The following MGMT variants were observed in gnomAD, a reference collection of about 807,000 sequenced individuals.
MGMT encodes the protein O-6-methylguanine-DNA methyltransferase.
A neutral mutation model predicts 15.9 loss-of-function variants in MGMT; 14 were observed. That is an observed-to-expected ratio of 0.88 (90% CI 0.58 to 1.37). MGMT has a LOEUF of 1.37. Ranked by LOEUF, MGMT falls within the 40% of genes most tolerant of loss-of-function variation. The pLI is 0.00. For missense variants in MGMT, 282 were observed against 268.1 expected (o/e 1.05, Z -0.36); for synonymous variants, 130 against 118.2 (o/e 1.10, Z -0.65).
chr10:129,656,253 G>A (rs1401709138), intron 2 of MGMT, among the ~76,000 whole-genome samples: 1 of 152,216 alleles, frequency 6.6e-6, no homozygotes, highest in East Asian at 1.9e-4. Context: ...AACATCCATG[G>A]CATGAGGGCA....
chr10:129,668,789 G>T (rs145323412), intron 2 of MGMT, among the ~76,000 whole-genome samples: 6 of 152,170 alleles, frequency 3.9e-5, no homozygotes, highest in South Asian at 4.1e-4. Flanking sequence ...ATTTTTAAAA[G>T]AACTTTTTCT....
chr10:129,619,214 A>T (rs981188628), intron 2 of MGMT, among the ~76,000 whole-genome samples: 1 of 152,048 alleles, frequency 6.6e-6, no homozygotes, highest in Admixed American at 6.6e-5. Flanking sequence ...TGTAATGTTT[A>T]TGTGGTTTCT....
At chr10:129,724,094 T>C (rs1357154540) in intron 3 of MGMT, among the ~76,000 whole-genome samples, 2 of 152,252 alleles carry the variant, frequency 1.3e-5, no homozygotes, top group Non-Finnish European at 2.9e-5. Context: ...CTTTGCTTGC[T>C]TTATTTATAA....
chr10:129,689,612 C>G (rs1282536994), intron 2 of MGMT, among the ~76,000 whole-genome samples: 1 of 152,234 alleles, frequency 6.6e-6, no homozygotes, highest in Non-Finnish European at 1.5e-5. Flanking sequence ...CACCCTTTCT[C>G]TGTAGTCTTA....
intron 2 of MGMT, among the ~76,000 whole-genome samples, chr10:129,650,569 G>A (rs1302757452): frequency 3.3e-5 from 5 of 152,182 alleles, no homozygotes; most frequent in African/African-American, 9.7e-5. Context: ...CTTTTTGCGA[G>A]GAAGAGATCC....
chr10:129,584,796 A>C (rs1846600036), intron 2 of MGMT, among the ~76,000 whole-genome samples: 1 of 152,110 alleles, frequency 6.6e-6, no homozygotes, highest in Non-Finnish European at 1.5e-5. Context: ...AGGTTGCTCC[A>C]CGCTCCAGCA....
intron 1 of MGMT, among the ~76,000 whole-genome samples, chr10:129,517,230 C>G (rs2119712480): frequency 6.6e-6 from 1 of 152,348 alleles, no homozygotes; most frequent in Non-Finnish European, 1.5e-5. Flanking sequence ...CTGAATGGAC[C>G]TCAGAGGTCC....
At chr10:129,497,014 G>T (rs1296796358) in intron 1 of MGMT, among the ~76,000 whole-genome samples, 2 of 151,922 alleles carry the variant, frequency 1.3e-5, no homozygotes, top group African/African-American at 4.8e-5. Context: ...CCCCTTTTTG[G>T]CAAGGGAAGG....
At chr10:129,568,874 T>C (rs1289376246) in intron 2 of MGMT, among the ~76,000 whole-genome samples, 3 of 152,208 alleles carry the variant, frequency 2.0e-5, no homozygotes, top group African/African-American at 7.2e-5. Flanking sequence ...CCTCTCCTTA[T>C]TCTGTAGGTT....
intron 1 of MGMT, among the ~76,000 whole-genome samples, chr10:129,496,913 G>A (rs1212406323): frequency 6.6e-6 from 1 of 151,912 alleles, no homozygotes; most frequent in Non-Finnish European, 1.5e-5. Flanking sequence ...GGCTCGCCTT[G>A]AACTCCTGGC....
At chr10:129,729,503 C>A (rs981363706) in intron 3 of MGMT, among the ~76,000 whole-genome samples, 2 of 152,186 alleles carry the variant, frequency 1.3e-5, no homozygotes, top group Admixed American at 1.3e-4. Context: ...TCAGCTGTGC[C>A]GTTGGAGCCG....
chr10:129,592,280 T>C (rs1424862610), intron 2 of MGMT, among the ~76,000 whole-genome samples: 1 of 152,218 alleles, frequency 6.6e-6, no homozygotes, highest in African/African-American at 2.4e-5. Flanking sequence ...AAATCTGAGT[T>C]TCAAGTGAAA....
chr10:129,592,920 C>T (rs1324126771), intron 2 of MGMT, among the ~76,000 whole-genome samples: 1 of 151,970 alleles, frequency 6.6e-6, no homozygotes, highest in South Asian at 2.1e-4. Flanking sequence ...TCATTTCAAA[C>T]ACAGTATCAA....
chr10:129,750,720 A>G (rs1848742633), intron 3 of MGMT, among the ~76,000 whole-genome samples: 1 of 152,064 alleles, frequency 6.6e-6, no homozygotes, highest in African/African-American at 2.4e-5. Flanking sequence ...GGATTTTGGT[A>G]TTCTAGAAGG....
chr10:129,487,604 C>G (rs757285126), intron 1 of MGMT, among the ~76,000 whole-genome samples: 1 of 151,916 alleles, frequency 6.6e-6, no homozygotes, highest in Non-Finnish European at 1.5e-5. Context: ...TATGTACACA[C>G]ACTATATATG....
At chr10:129,555,683 G>A (rs1328098269) in intron 2 of MGMT, among the ~76,000 whole-genome samples, 5 of 151,842 alleles carry the variant, frequency 3.3e-5, no homozygotes, top group Admixed American at 2.6e-4. Flanking sequence ...CCACTGCACT[G>A]CAGCCTGGGC....
rs1564853794 is a variant in MGMT at position 129,564,630 on chromosome 10, T to TCCCCTCCTCTGCTTCCTC, written c.125+28254_125+28271dup. ...CTCCCCCTCCTCCTCCTCCCCTGCT[T>TCCCCTCCTCTGCTTCCTC]CCCCTCCTCTGCTTCCTCACCCTCC... On this transcript the variant is annotated intron_variant, in intron 2 of 4. Coordinates refer to ENST00000651593, the MANE Select transcript of MGMT (RefSeq NM_002412.5). 3.6e-4 allele frequency among the ~76,000 whole-genome samples: 9 copies of TCCCCTCCTCTGCTTCCTC among 25,066 alleles called. 1 individual carries two copies. The East Asian group carries it at 0.014, about 38-fold the overall frequency. 16.4% of individuals were successfully genotyped at this position (25,066 alleles called of 152,430 possible).
chr10:129,738,203 G>A (rs1033125015), intron 3 of MGMT, among the ~76,000 whole-genome samples: 1 of 152,176 alleles, frequency 6.6e-6, no homozygotes, highest in East Asian at 1.9e-4. Flanking sequence ...AGCAATCAGC[G>A]AGACTCCGTG....
chr10:129,568,340 G>C (rs1270582944), intron 2 of MGMT, among the ~76,000 whole-genome samples: 1 of 152,174 alleles, frequency 6.6e-6, no homozygotes, highest in Admixed American at 6.5e-5. Flanking sequence ...ACGGGGACCT[G>C]GGGGTCTCCT....
Sources: gnomAD v4.1 joint callset for allele counts (sites outside exome capture counted in the v4.1 genomes callset) on GRCh38, gnomAD v4.1.1 for gene constraint, MANE v1.5 for transcripts, NCBI Gene and HGNC (gene_info 2026-07-23, HGNC 2026-07-21) for gene names.